Variants in APOLD1 observed in about 807,000 individuals in gnomAD.
APOLD1 encodes apolipoprotein L domain-containing protein 1.
A neutral mutation model predicts 15.3 loss-of-function variants in APOLD1; 22 were observed. The observed-to-expected ratio is 1.44, with a 90% confidence interval of 1.03 to 2.05. The LOEUF is 2.05. APOLD1 is among the 30% of genes most tolerant of loss of function. The pLI is 0.00. For synonymous variants in APOLD1, 190 were observed against 167.4 expected, an observed-to-expected ratio of 1.13 and a Z score of -1.04; for missense variants, 394 against 353.5, an observed-to-expected ratio of 1.11 and a Z score of -0.92.
upstream of APOLD1, among the ~76,000 whole-genome samples, chr12:12,784,767 C>T (rs1592310608): frequency 6.6e-6 from 1 of 152,102 alleles, no homozygotes; most frequent in Admixed American, 6.5e-5. Context: ...CTCTGAATGC[C>T]CCAGAGATAT....
chr12:12,758,121 A>G lies in APOLD1; in HGVS notation c.97-28788A>G, dbSNP rs1255370570. ...TTTTCTTTTTTTTTTTAATTTTAGTAGAGACGGGGTTTCACTGTGTTAGCC... is the reference window on the plus strand; with the variant it reads ...TTTTCTTTTTTTTTTTAATTTTAGTGGAGACGGGGTTTCACTGTGTTAGCC... On this transcript the variant is annotated intron_variant, in intron 1 of 1. Transcript: ENST00000326765. Among the ~76,000 whole-genome samples the G allele has an allele frequency of 4.9e-5, 7 of 143,464 alleles. No individual in the cohort carries two copies. In the East Asian group the frequency reaches 6.2e-4, roughly 13 times the overall value. 94.1% of individuals were successfully genotyped at this position (143,464 alleles called of 152,430 possible). A position where few individuals can be genotyped will look rare whatever the true frequency, so the allele number is the denominator to read the frequency against.
chr12:12,737,521 A>G (rs1946697746), intron 1 of APOLD1, among the ~76,000 whole-genome samples: 1 of 152,208 alleles, frequency 6.6e-6, no homozygotes, highest in East Asian at 1.9e-4. Context: ...AGCTTTACAT[A>G]TGAGCCCCTG....
chr12:12,738,498 G>T (rs374576237), intron 1 of APOLD1, among the ~76,000 whole-genome samples: 1 of 152,224 alleles, frequency 6.6e-6, no homozygotes, highest in African/African-American at 2.4e-5. Context: ...GAACCACTGT[G>T]CCTGGTTAAT....
intron 1 of APOLD1, among the ~76,000 whole-genome samples, chr12:12,770,217 A>C (rs1189095718): frequency 1.3e-5 from 2 of 152,174 alleles, no homozygotes; most frequent in Non-Finnish European, 2.9e-5. Flanking sequence ...CCAGCCTGAC[A>C]AGCATGGTGA....
chr12:12,726,372 G>T, intron 1 of APOLD1: 1 of 527,568 alleles, frequency 1.9e-6, no homozygotes, highest in Non-Finnish European at 3.5e-6. Context: ...TTTGATTTCT[G>T]GGTACGGAAA....
At chr12:12,747,561 G>A (rs770474535) in intron 1 of APOLD1, among the ~76,000 whole-genome samples, 8 of 152,130 alleles carry the variant, frequency 5.3e-5, no homozygotes, top group African/African-American at 4.8e-5. Context: ...ATCTCATTCC[G>A]CAGCTTGGTA....
At chr12:12,763,872 C>G (rs1335605230) in intron 1 of APOLD1, among the ~76,000 whole-genome samples, 1 of 151,668 alleles carries the variant, frequency 6.6e-6, no homozygotes, top group African/African-American at 2.4e-5. Context: ...TTTTTTTTCC[C>G]AAATATTTTT....
At chr12:12,772,171 G>A (rs944032760) in intron 1 of APOLD1, among the ~76,000 whole-genome samples, 2 of 152,132 alleles carry the variant, frequency 1.3e-5, no homozygotes, top group African/African-American at 2.4e-5. Flanking sequence ...AATGTCAGTG[G>A]TCTAAATTCA....
At chr12:12,726,154 A>G (rs1466683576) in intron 1 of APOLD1, 2 of 398,300 alleles carry the variant, frequency 5.0e-6, no homozygotes, top group Non-Finnish European at 8.5e-6. Flanking sequence ...CCTCTTCGCA[A>G]CCAAAAAAAA....
chr12:12,770,570 A>G (rs1946979627), intron 1 of APOLD1, among the ~76,000 whole-genome samples: 2 of 151,320 alleles, frequency 1.3e-5, no homozygotes, highest in Middle Eastern at 3.4e-3. Flanking sequence ...AAAGACTGAA[A>G]AAAAAAAAAA....
intron 1 of APOLD1, among the ~76,000 whole-genome samples, chr12:12,745,120 C>G (rs2136375778): frequency 6.6e-6 from 1 of 152,310 alleles, no homozygotes; most frequent in South Asian, 2.1e-4. Flanking sequence ...GTACTCATCT[C>G]CCTAGAGGGC....
intron 1 of APOLD1, among the ~76,000 whole-genome samples, chr12:12,758,818 A>G (rs1461221461): frequency 6.6e-6 from 1 of 152,068 alleles, no homozygotes; most frequent in East Asian, 1.9e-4. Context: ...TCGGCATATG[A>G]TTTCTTTTCT....
rs142370880 is a variant in APOLD1, at chr12:12,756,130, G to A, written c.96+30034G>A. ...TCCACTGTCAGATGAAGGCAGACCC[G>A]TGGGTGAAGAATCATATTGAAGAAT... On this transcript the variant is annotated intron_variant, in intron 1 of 1. Transcript: ENST00000326765. Among the ~76,000 whole-genome samples, 1,340 of 152,306 alleles carry A rather than the reference G, an allele frequency of 8.8e-3. 29 individuals are homozygous for A. Among genetic ancestry groups the A allele is most frequent in the African/African-American group, 0.03 (1,259 of 41,558 alleles).
chr12:12,740,753 T>C (rs554385982), intron 1 of APOLD1, among the ~76,000 whole-genome samples: 5 of 152,364 alleles, frequency 3.3e-5, no homozygotes, highest in African/African-American at 1.2e-4. Flanking sequence ...CTGAAAATTC[T>C]TACTAGGTTT....
At chr12:12,731,048 G>C (rs988942890) in intron 1 of APOLD1, among the ~76,000 whole-genome samples, 2 of 152,194 alleles carry the variant, frequency 1.3e-5, no homozygotes, top group African/African-American at 2.4e-5. Context: ...GGCTGAGGCA[G>C]GAGAATGGCG....
chr12:12,739,887 G>A (rs1325519425), intron 1 of APOLD1, among the ~76,000 whole-genome samples: 1 of 149,968 alleles, frequency 6.7e-6, no homozygotes, highest in South Asian at 2.1e-4. Flanking sequence ...TGCTATCTTG[G>A]CTTACTGTAA....
chr12:12,742,956 A>G (rs1946739457), intron 1 of APOLD1, among the ~76,000 whole-genome samples: 1 of 152,226 alleles, frequency 6.6e-6, no homozygotes, highest in East Asian at 1.9e-4. Flanking sequence ...AGGTTTTGGC[A>G]TGCTGCCCTG....
intron 1 of APOLD1, among the ~76,000 whole-genome samples, chr12:12,778,852 T>C (rs1260856362): frequency 1.3e-5 from 2 of 152,220 alleles, no homozygotes; most frequent in Non-Finnish European, 2.9e-5. Flanking sequence ...CTGGCTTTAG[T>C]TGTGTACCTC....
chr12:12,776,025 A>AC (rs1947031140), intron 1 of APOLD1, among the ~76,000 whole-genome samples: 1 of 146,436 alleles, frequency 6.8e-6, no homozygotes, highest in African/African-American at 2.5e-5. Context: ...AAAAAAAAAA[A>AC]ACACAACAAA....
Sources: gnomAD v4.1 joint callset for allele counts (sites outside exome capture counted in the v4.1 genomes callset) on GRCh38, gnomAD v4.1.1 for gene constraint, MANE v1.5 for transcripts, NCBI Gene and HGNC (gene_info 2026-07-23, HGNC 2026-07-21) for gene names.